The following BLK variants were observed in gnomAD, a reference collection of about 807,000 sequenced individuals.
The protein encoded by BLK is tyrosine-protein kinase Blk.
BLK carries 64 observed loss-of-function variants against 61.8 expected under a neutral mutation model. The ratio of observed to expected loss-of-function variants is 1.03; its 90% confidence interval spans 0.85 to 1.27. The LOEUF is 1.27. BLK is among the 50% of genes most tolerant of loss of function. BLK has a pLI of 0.00. For missense variants in BLK, 853 were observed against 660.5 expected, an observed-to-expected ratio of 1.29 and a Z score of -3.19; for synonymous variants, 351 against 272.0, an observed-to-expected ratio of 1.29 and a Z score of -2.86.
intron 1 of BLK, among the ~76,000 whole-genome samples, chr8:11,515,685 T>C (rs1799194915): frequency 1.3e-5 from 2 of 152,146 alleles, no homozygotes; most frequent in Non-Finnish European, 1.5e-5. Flanking sequence ...TTTCTAATAT[T>C]GTATCAGTGC....
chr8:11,557,008 G>C (rs2083167274), intron 9 of BLK, among the ~76,000 whole-genome samples, 171 bp downstream of exon 9: 1 of 152,086 alleles, frequency 6.6e-6, no homozygotes, highest in African/African-American at 2.4e-5. Flanking sequence ...GACAGAGGGA[G>C]GGTGAGAAAC....
chr8:11,556,690 A>G lies in BLK; in HGVS notation c.805A>G (p.Lys269Glu). 1 of 1,614,128 alleles carries G rather than the reference A, an allele frequency of 6.2e-7. No individual in the cohort carries two copies. Among genetic ancestry groups the G allele is most frequent in the Non-Finnish European group, 8.5e-7 (1 of 1,180,024 alleles). ...CAAAAACAACATGAAGGTGGCCATT[A>G]AGACGCTGAAGGAGGGAACCATGTC... ...YYKNNMKVAI[K>E]TLKEGTMSPE... The change falls in exon 9 of 13, where the codon AAG becomes GAG. Residue 269 changes from lysine (K) to glutamate (E), a missense_variant. Transcript: ENST00000259089.
chr8:11,544,204 A>T (rs1335612156), intron 2 of BLK, among the ~76,000 whole-genome samples: 1 of 152,158 alleles, frequency 6.6e-6, no homozygotes, highest in Non-Finnish European at 1.5e-5. Flanking sequence ...ACCTCAGGTG[A>T]TCCACCTGCC....
chr8:11,545,557 ATTGT>A (rs1283842506), intron 2 of BLK, among the ~76,000 whole-genome samples: 2 of 152,152 alleles, frequency 1.3e-5, no homozygotes, highest in Non-Finnish European at 2.9e-5. Flanking sequence ...TCAAAAAAAA[ATTGT>A]TTATGTATTA....
intron 1 of BLK, among the ~76,000 whole-genome samples, chr8:11,525,969 C>T (rs751242902): frequency 6.6e-6 from 1 of 152,128 alleles, no homozygotes; most frequent in Non-Finnish European, 1.5e-5. Context: ...GACAGGGTTT[C>T]ACCATGTTGC....
rs146868824 is a variant in BLK at position 11,523,271 on chromosome 8, C to A, written c.-1-19953C>A. 5.6e-4 allele frequency among the ~76,000 whole-genome samples: 85 copies of A among 152,226 alleles called. 1 individual carries two copies. Among genetic ancestry groups the A allele is most frequent in the African/African-American group, 1.9e-3 (80 of 41,542 alleles). On this transcript the variant is annotated intron_variant, in intron 1 of 12. Coordinates refer to ENST00000259089, the MANE Select transcript of BLK (RefSeq NM_001715.3). Reference sequence around the variant, plus strand: ...TAATACATAATACAAACACAAAGTTCAGTTGGGCATGGTGGCTCACACCTG... The same window carrying A: ...TAATACATAATACAAACACAAAGTTAAGTTGGGCATGGTGGCTCACACCTG...
intron 1 of BLK, among the ~76,000 whole-genome samples, chr8:11,534,796 C>T (rs1332009908): frequency 6.6e-6 from 1 of 152,200 alleles, no homozygotes; most frequent in Non-Finnish European, 1.5e-5. Context: ...CCTTACACAC[C>T]CAGCCAGGTG....
chr8:11,532,841 C>T (rs1470620878), intron 1 of BLK, among the ~76,000 whole-genome samples: 5 of 152,210 alleles, frequency 3.3e-5, no homozygotes, highest in Admixed American at 3.3e-4. Flanking sequence ...TATCGTGTTT[C>T]TTTAGAGAGT....
At chr8:11,546,629 G>A (rs141345007) in intron 3 of BLK, among the ~76,000 whole-genome samples, 1 of 152,226 alleles carries the variant, frequency 6.6e-6, no homozygotes, top group African/African-American at 2.4e-5. Context: ...AGGCTGCAGT[G>A]CAGTGACCCA....
intron 11 of BLK, 147 bp downstream of exon 11, chr8:11,561,599 C>T: frequency 8.9e-7 from 1 of 1,118,998 alleles, no homozygotes; most frequent in South Asian, 1.3e-5. Flanking sequence ...GCATTTCCTT[C>T]ATTTACCCAA....
intron 1 of BLK, among the ~76,000 whole-genome samples, chr8:11,538,365 C>T (rs1174834504): frequency 6.6e-6 from 1 of 152,180 alleles, no homozygotes; most frequent in East Asian, 1.9e-4. Flanking sequence ...CCCTGGTTGT[C>T]CCATGGCCTC....
chr8:11,504,561 G>C (rs1433624900), intron 1 of BLK, among the ~76,000 whole-genome samples: 1 of 152,206 alleles, frequency 6.6e-6, no homozygotes, highest in African/African-American at 2.4e-5. Context: ...TGCCATCACA[G>C]GGACGTGCGT....
At chr8:11,536,788 C>A (rs1160330129) in intron 1 of BLK, among the ~76,000 whole-genome samples, 3 of 152,218 alleles carry the variant, frequency 2.0e-5, no homozygotes, top group African/African-American at 7.2e-5. Flanking sequence ...CCATCCTTCT[C>A]AGGTCTGGCT....
At chr8:11,500,452 T>G (rs1798515006) in intron 1 of BLK, among the ~76,000 whole-genome samples, 1 of 152,194 alleles carries the variant, frequency 6.6e-6, no homozygotes, top group Non-Finnish European at 1.5e-5. Context: ...TGCCTTGGCC[T>G]CCCAAAGTGT....
intron 8 of BLK, 58 bp downstream of exon 8, chr8:11,555,542 G>C: frequency 1.2e-6 from 2 of 1,611,178 alleles, no homozygotes; most frequent in South Asian, 2.2e-5. Context: ...GCCGCATCCT[G>C]AGTCCAGGTT....
At chr8:11,561,573 C>T (rs1801509510) in intron 11 of BLK, 121 bp downstream of exon 11, 2 of 1,298,344 alleles carry the variant, frequency 1.5e-6, no homozygotes, top group African/African-American at 1.5e-5. Flanking sequence ...TATACGGTTT[C>T]TACAGCTCTA....
intron 1 of BLK, among the ~76,000 whole-genome samples, chr8:11,497,709 G>C (rs1043860695): frequency 6.6e-6 from 1 of 152,224 alleles, no homozygotes; most frequent in Non-Finnish European, 1.5e-5. Flanking sequence ...GAAAAGCAAA[G>C]ATAATTGAAT....
intron 1 of BLK, among the ~76,000 whole-genome samples, chr8:11,531,245 C>T (rs1430531724): frequency 6.6e-6 from 1 of 152,086 alleles, no homozygotes; most frequent in Non-Finnish European, 1.5e-5. Flanking sequence ...AAATGTCCTG[C>T]CTGTCTCTGA....
At chr8:11,543,120 C>T in intron 1 of BLK, 104 bp from the exon 2 acceptor site, 3 of 1,583,240 alleles carry the variant, frequency 1.9e-6, no homozygotes, top group Non-Finnish European at 1.7e-6. Context: ...ACTTCCACCC[C>T]ACCTTTCTAA....
Sources: allele counts gnomAD v4.1 joint callset (sites outside exome capture counted in the v4.1 genomes callset), GRCh38; gene constraint gnomAD v4.1.1; transcripts MANE v1.5; gene names NCBI Gene and HGNC (gene_info 2026-07-23, HGNC 2026-07-21).